POLR3C: variants seen among roughly 807,000 people sequenced by gnomAD.
POLR3C encodes RNA polymerase III subunit C.
Under a neutral mutation model 65.9 loss-of-function variants are expected in POLR3C, and 44 were observed. The ratio of observed to expected loss-of-function variants is 0.67; its 90% CI spans 0.52 to 0.86. The LOEUF is 0.86. Ranked by LOEUF, POLR3C falls within the 40% of genes least tolerant of loss-of-function variation. The pLI, the probability that POLR3C is intolerant of heterozygous loss-of-function variation, is 0.00. For missense variants in POLR3C, 576 were observed against 653.2 expected (o/e 0.88, Z 1.29); for synonymous variants, 263 against 231.6 (o/e 1.14, Z -1.23).
In POLR3C at chr1:145,831,203, A is replaced by G. The variant is rs144051938; in HGVS notation, c.679-2057A>G. ...AAGTGTCAAATAGGCAGCTGAGTCT[A>G]TGCATCTGGAGCATAATAGAGAGTT... On this transcript the variant is annotated intron_variant, in intron 5 of 14. Transcript: ENST00000334163. 7.0e-3 allele frequency among the ~76,000 whole-genome samples: 1,069 copies of G among 152,288 alleles called. 9 individuals are homozygous for G. Among genetic ancestry groups the G allele is most frequent in the African/African-American group, 0.024 (995 of 41,556 alleles).
chr1:145,831,721 C>T (rs1651344624), intron 5 of POLR3C, among the ~76,000 whole-genome samples: 1 of 152,066 alleles, frequency 6.6e-6, no homozygotes, highest in South Asian at 2.1e-4. Context: ...GGAAAGGTAG[C>T]CAGAAAGGTT....
chr1:145,836,998 A>T (rs1240679111), intron 9 of POLR3C, 132 bp downstream of exon 9: 13 of 551,352 alleles, frequency 2.4e-5, no homozygotes, highest in Non-Finnish European at 4.2e-5. Context: ...TGTTAAATAA[A>T]TTTTTCTATG....
rs113300485 is a variant in POLR3C, at chr1:145,828,886, A to G, written c.678+49A>G. 1.0e-3 allele frequency: 982 copies of G among 965,328 alleles called. 10 individuals are homozygous for G. In the African/African-American group the frequency reaches 0.014, roughly 14 times the overall value. 59.8% of individuals were successfully genotyped at this position (965,328 alleles called of 1,614,324 possible). ...GTCCTCACCCTGAAGCAGGCCAGAAAGAGCACTCAGATAACAAGCCCCAAG... is the reference window on the plus strand; with the variant it reads ...GTCCTCACCCTGAAGCAGGCCAGAAGGAGCACTCAGATAACAAGCCCCAAG... On this transcript the variant is annotated intron_variant, in intron 5 of 14. Coordinates refer to ENST00000334163, the MANE Select transcript of POLR3C (RefSeq NM_006468.8).
chr1:145,828,879 G>A, intron 5 of POLR3C, 42 bp downstream of exon 5: 1 of 1,018,848 alleles, frequency 9.8e-7, no homozygotes, highest in Non-Finnish European at 1.6e-6. Flanking sequence ...CCTGAAGCAG[G>A]CCAGAAAGAG....
In POLR3C at chr1:145,833,601, CACTA is replaced by C; in HGVS notation, c.876+23_876+26del. On this transcript the variant is annotated intron_variant, in intron 7 of 14. Transcript: ENST00000334163. ...CAATGAGGTGAGTTTCATGTTCTTG[CACTA>C]ACTTTCTGACAGATTCTTGGGTGTT... 1 of 1,470,126 alleles carries C rather than the reference CACTA, an allele frequency of 6.8e-7. No homozygotes were observed. Among genetic ancestry groups the C allele is most frequent in the African/African-American group, 1.4e-5 (1 of 72,242 alleles). 91.1% of individuals were successfully genotyped at this position (1,470,126 alleles called of 1,614,324 possible). A position where few individuals can be genotyped will look rare whatever the true frequency, so the allele number is the denominator to read the frequency against.
At chr1:145,840,703 T>C (rs1389219201) in intron 13 of POLR3C, among the ~76,000 whole-genome samples, 2 of 152,166 alleles carry the variant, frequency 1.3e-5, no homozygotes, top group East Asian at 3.8e-4. Context: ...GTGAGAAACG[T>C]ACAAAAGCAC....
Position 145,826,620 on chromosome 1 carries a change from T to G in POLR3C, c.314T>G (p.Leu105Arg). 1 of 1,614,046 alleles carries G rather than the reference T, an allele frequency of 6.2e-7. No individual in the cohort carries two copies. Among genetic ancestry groups the G allele is most frequent in the Non-Finnish European group, 8.5e-7 (1 of 1,179,952 alleles). The stretch of plus-strand genomic sequence containing the variant: ...ACTCTGTACAGTGACACTGGAGAGC[T>G]GATTGTTGAGGAGCTTCTGTTGAAC... ...TKTLYSDTGELIVEELLLNGK... is the reference protein window; with the variant it reads ...TKTLYSDTGERIVEELLLNGK... Residue 105 changes from leucine to arginine, a missense_variant, in exon 3 of 15, where the codon CTG becomes CGG. By Grantham distance (102) the Leu-to-Arg change is moderately radical (BLOSUM62 -2). Coordinates refer to ENST00000334163, the MANE Select transcript of POLR3C (RefSeq NM_006468.8).
intron 9 of POLR3C, 148 bp downstream of exon 9, chr1:145,837,014 T>G (rs1651906330): frequency 1.8e-6 from 1 of 545,920 alleles, no homozygotes; most frequent in Non-Finnish European, 3.2e-6. Flanking sequence ...CTATGAATTT[T>G]CAGTGAACTG....
chr1:145,835,215 G>A (rs1651706980), intron 7 of POLR3C, among the ~76,000 whole-genome samples: 1 of 150,344 alleles, frequency 6.7e-6, no homozygotes. Flanking sequence ...TTGGGTGGCC[G>A]AGGCAGGCAG....
At chr1:145,833,733 A>C (rs1651546025) in intron 7 of POLR3C, 151 bp downstream of exon 7, 1 of 637,304 alleles carries the variant, frequency 1.6e-6, no homozygotes, top group Admixed American at 2.9e-5. Context: ...AGTGATGAGC[A>C]CTGAAATGTT....
chr1:145,835,873 A>G (rs1357864212), intron 7 of POLR3C, among the ~76,000 whole-genome samples: 1 of 151,962 alleles, frequency 6.6e-6, no homozygotes, highest in Non-Finnish European at 1.5e-5. Context: ...ACCACACCCA[A>G]CCTAGTCATA....
Position 145,840,175 on chromosome 1 carries a change from AT to A in POLR3C, c.1373+14del. 1 of 1,537,334 alleles carries A rather than the reference AT, an allele frequency of 6.5e-7. No individual in the cohort carries two copies. Reference sequence around the variant, plus strand: ...AAACCAAAGAGAATAAGTAAGTAACATTTTCAGTTGAGTTATTTACATCTTT... The same window carrying A: ...AAACCAAAGAGAATAAGTAAGTAACATTTCAGTTGAGTTATTTACATCTTT... On this transcript the variant is annotated intron_variant, in intron 13 of 14. Coordinates refer to ENST00000334163, the MANE Select transcript of POLR3C (RefSeq NM_006468.8).
intron 7 of POLR3C, among the ~76,000 whole-genome samples, chr1:145,835,191 G>A (rs145166092): frequency 8.4e-4 from 123 of 147,174 alleles, no homozygotes; most frequent in African/African-American, 2.9e-3. Flanking sequence ...GCTCACACCC[G>A]TAATCCCAGT....
rs782069079 is a variant in POLR3C at position 145,825,942 on chromosome 1, C to G, written c.147+19C>G. On this transcript the variant is annotated intron_variant, in intron 2 of 14. Coordinates refer to ENST00000334163, the MANE Select transcript of POLR3C (RefSeq NM_006468.8). ...GGATCAGGTATGTCTAAATGACATT[C>G]ATTTTCTCTCATTTCTTTCACTAAT... 1 of 1,562,128 alleles carries G rather than the reference C, an allele frequency of 6.4e-7. No individual in the cohort carries two copies. Among genetic ancestry groups the G allele is most frequent in the Non-Finnish European group, 8.8e-7 (1 of 1,136,392 alleles).
At chr1:145,833,637 G>A (rs369421649) in intron 7 of POLR3C, 55 bp downstream of exon 7, 72 of 1,153,326 alleles carry the variant, frequency 6.2e-5, no homozygotes, top group Admixed American at 1.2e-4. Context: ...TGTTATCAAC[G>A]TTTATTATAC....
intron 7 of POLR3C, among the ~76,000 whole-genome samples, chr1:145,835,907 T>C (rs1651779357): frequency 1.3e-5 from 2 of 152,172 alleles, no homozygotes; most frequent in South Asian, 4.1e-4. Context: ...TGATTTTTTA[T>C]ATGACAGTGT....
intron 5 of POLR3C, among the ~76,000 whole-genome samples, 168 bp from the exon 6 acceptor site, chr1:145,833,092 G>T (rs1651470286): frequency 6.6e-6 from 1 of 152,162 alleles, no homozygotes. Context: ...TAGAAAACCT[G>T]TTTGAAGTCG....
intron 14 of POLR3C, among the ~76,000 whole-genome samples, 187 bp downstream of exon 14, chr1:145,841,258 C>T (rs1332528570): frequency 6.6e-6 from 1 of 152,198 alleles, no homozygotes; most frequent in African/African-American, 2.4e-5. Context: ...GCTTCTTCTC[C>T]ATCACCATAT....
chr1:145,838,001 G>A (rs752723308), intron 10 of POLR3C, 55 bp from the exon 11 acceptor site: 34 of 1,547,050 alleles, frequency 2.2e-5, no homozygotes, highest in Non-Finnish European at 2.8e-5. Flanking sequence ...TCTATGACTG[G>A]GAACTAAAGC....
Sources: allele counts gnomAD v4.1 joint callset (sites outside exome capture counted in the v4.1 genomes callset), GRCh38; gene constraint gnomAD v4.1.1; transcripts MANE v1.5; gene names NCBI Gene and HGNC (gene_info 2026-07-23, HGNC 2026-07-21).